Variants in KATNIP observed in about 807,000 individuals in gnomAD.
The protein encoded by KATNIP is katanin interacting protein.
Under a neutral mutation model 174.0 loss-of-function variants are expected in KATNIP, and 126 were observed. That is an observed-to-expected ratio of 0.72 (90% CI 0.63 to 0.84). The LOEUF is 0.84. KATNIP is among the 40% of genes least tolerant of loss of function. The pLI, the probability that KATNIP is intolerant of heterozygous loss-of-function variation, is 0.00. For missense variants in KATNIP, 1,958 were observed against 2,109.7 expected, an observed-to-expected ratio of 0.93 and a Z score of 1.41; for synonymous variants, 810 against 835.7, an observed-to-expected ratio of 0.97 and a Z score of 0.53.
chr16:27,608,904 C>G (rs1183724406), intron 2 of KATNIP, among the ~76,000 whole-genome samples: 1 of 152,158 alleles, frequency 6.6e-6, no homozygotes, highest in Non-Finnish European at 1.5e-5. Context: ...CCTGCAAGCG[C>G]CACATCCTAA....
chr16:27,757,816 C>CG (rs1567408800), intron 18 of KATNIP, among the ~76,000 whole-genome samples: 1 of 152,028 alleles, frequency 6.6e-6, no homozygotes, highest in Non-Finnish European at 1.5e-5. Context: ...TAAAGTGACC[C>CG]GGGGGGAATG....
At chr16:27,620,660 C>G (rs533824523) in intron 3 of KATNIP, among the ~76,000 whole-genome samples, 25 of 152,280 alleles carry the variant, frequency 1.6e-4, no homozygotes, top group African/African-American at 5.3e-4. Flanking sequence ...AGATAGAAAA[C>G]TAGCCTCTGA....
At chr16:27,678,031 T>G in intron 7 of KATNIP, 35 bp downstream of exon 7, 1 of 1,601,768 alleles carries the variant, frequency 6.2e-7, no homozygotes, top group South Asian at 1.1e-5. Flanking sequence ...TCTTTGCCAT[T>G]GGTGTCTCTG....
intron 6 of KATNIP, chr16:27,669,342 T>C (rs1387697749): frequency 1.0e-6 from 1 of 982,206 alleles, no homozygotes; most frequent in Middle Eastern, 5.2e-4. Flanking sequence ...GACCCATTTG[T>C]GTGCAGTCCC....
At chr16:27,732,474 C>G (rs576449701) in intron 14 of KATNIP, among the ~76,000 whole-genome samples, 7 of 152,340 alleles carry the variant, frequency 4.6e-5, no homozygotes, top group Admixed American at 4.6e-4. Context: ...TTTCCCCTGT[C>G]CTTGAAGGTC....
intron 6 of KATNIP, among the ~76,000 whole-genome samples, chr16:27,677,430 T>G (rs1230991196): frequency 6.6e-6 from 1 of 152,048 alleles, no homozygotes; most frequent in Non-Finnish European, 1.5e-5. Context: ...AACCATATTG[T>G]CTGTTTCTCT....
At chr16:27,703,264 T>C (rs1314219207) in intron 11 of KATNIP, among the ~76,000 whole-genome samples, 2 of 152,124 alleles carry the variant, frequency 1.3e-5, no homozygotes, top group African/African-American at 4.8e-5. Context: ...GCCAAATGCT[T>C]GGTTCCTCGG....
intron 4 of KATNIP, 132 bp from the exon 5 acceptor site, chr16:27,630,932 TG>T: frequency 1.5e-6 from 1 of 665,526 alleles, no homozygotes; most frequent in South Asian, 1.8e-5. Flanking sequence ...ACAACCACGC[TG>T]TAGTCAATGT....
intron 13 of KATNIP, among the ~76,000 whole-genome samples, chr16:27,720,467 CATTT>C (rs1345356007): frequency 1.4e-5 from 2 of 144,724 alleles, no homozygotes; most frequent in South Asian, 2.2e-4. Flanking sequence ...TTCATGTAGT[CATTT>C]ATTTATTACA....
rs143783409 is a variant in KATNIP, at chr16:27,715,537, A to G, written c.1606-6021A>G. On this transcript the variant is annotated intron_variant, in intron 13 of 27. Coordinates refer to ENST00000261588, the MANE Select transcript of KATNIP (RefSeq NM_015202.5). ...AAAAGGGAGAAAATATCTGCACATC[A>G]TATATCTGATAAGGGTCTAATATTC... 8.8e-3 allele frequency among the ~76,000 whole-genome samples: 1,341 copies of G among 152,350 alleles called. 6 individuals are homozygous for G. Among genetic ancestry groups the G allele is most frequent in the Non-Finnish European group, 0.013 (857 of 68,026 alleles).
Position 27,770,012 on chromosome 16 carries a change from C to G in KATNIP, c.4127C>G (p.Ala1376Gly). ...YLRAQLLPQPARRLDMRSLEC... is the reference protein window; with the variant it reads ...YLRAQLLPQPGRRLDMRSLEC... ...CGGGCTCAGCTGCTGCCCCAGCCGG[C>G]CAGGAGGTGAGGAGAAAGTGGGCGC... The change falls in exon 21 of 28, where the codon GCC becomes GGC. Residue 1376 changes from alanine (A) to glycine (G), a missense_variant. Physicochemically the swap from Ala to Gly is moderately conservative, Grantham distance 60. Coordinates refer to ENST00000261588, the MANE Select transcript of KATNIP (RefSeq NM_015202.5). The G allele has an allele frequency of 6.2e-7, 1 of 1,613,198 alleles. No individual in the cohort carries two copies. The highest frequency in any genetic ancestry group is 8.5e-7 in the Non-Finnish European group (1 of 1,179,224).
intron 8 of KATNIP, 146 bp from the exon 9 acceptor site, chr16:27,698,182 T>G (rs1414704464): frequency 2.3e-6 from 2 of 863,684 alleles, no homozygotes; most frequent in East Asian, 2.6e-5. Flanking sequence ...TCTGGAACCG[T>G]TTTCTTTGTC....
intron 5 of KATNIP, among the ~76,000 whole-genome samples, chr16:27,648,213 A>G (rs2077015144): frequency 6.6e-6 from 1 of 151,982 alleles, no homozygotes; most frequent in Non-Finnish European, 1.5e-5. Flanking sequence ...GAATTACTTG[A>G]ACCTAGGAGG....
intron 14 of KATNIP, among the ~76,000 whole-genome samples, chr16:27,730,114 C>T: frequency 6.6e-6 from 1 of 152,242 alleles, no homozygotes; most frequent in East Asian, 1.9e-4. Context: ...CTCCCAGCTG[C>T]AGAATGCTTC....
chr16:27,708,666 A>G (rs1383183130), intron 12 of KATNIP, 39 bp from the exon 13 acceptor site: 6 of 1,549,424 alleles, frequency 3.9e-6, no homozygotes, highest in East Asian at 4.5e-5. Flanking sequence ...CAAGCCTGTC[A>G]TGACTTAATC....
intron 7 of KATNIP, among the ~76,000 whole-genome samples, chr16:27,680,683 T>G (rs2078301190): frequency 7.1e-6 from 1 of 141,088 alleles, no homozygotes; most frequent in Non-Finnish European, 1.6e-5. Flanking sequence ...CCAACACATC[T>G]GGCTTTTTTT....
rs547139553 is a variant in KATNIP, at chr16:27,586,981, G to A, written c.63+13025G>A. On this transcript the variant is annotated intron_variant, in intron 2 of 27. Coordinates refer to ENST00000261588, the MANE Select transcript of KATNIP (RefSeq NM_015202.5). ...AAAAAATACATTGTTTGGGCCACTC[G>A]TGCTTTATTGAAGTCCTGGGAGATG... Among the ~76,000 whole-genome samples the A allele has an allele frequency of 3.1e-4, 45 of 146,538 alleles. No individual in the cohort carries two copies. In the South Asian group the frequency reaches 8.3e-3, roughly 27 times the overall value.
chr16:27,733,997 G>T (rs554809078), intron 14 of KATNIP, among the ~76,000 whole-genome samples: 24 of 152,144 alleles, frequency 1.6e-4, no homozygotes, highest in African/African-American at 5.1e-4. Flanking sequence ...ACACACATAC[G>T]CACACCCACC....
intron 19 of KATNIP, among the ~76,000 whole-genome samples, chr16:27,764,762 C>G (rs1254992): frequency 6.6e-6 from 1 of 152,180 alleles, no homozygotes; most frequent in Non-Finnish European, 1.5e-5. Context: ...AGCCCCATTT[C>G]TAGGACAGAA....
Sources: gnomAD v4.1 joint callset for allele counts (sites outside exome capture counted in the v4.1 genomes callset) on GRCh38, gnomAD v4.1.1 for gene constraint, MANE v1.5 for transcripts, NCBI Gene and HGNC (gene_info 2026-07-23, HGNC 2026-07-21) for gene names.